ATF3: variants seen among roughly 807,000 people sequenced by gnomAD.
ATF3 encodes cyclic AMP-dependent transcription factor ATF-3.
Under a neutral mutation model 18.4 loss-of-function variants are expected in ATF3, and 10 were observed. The observed-to-expected ratio is 0.54, with a 90% CI of 0.34 to 0.92. The LOEUF is 0.92. ATF3 is among the 40% of genes least tolerant of loss of function. The pLI is 0.02. For missense variants in ATF3, 183 were observed against 222.3 expected, an observed-to-expected ratio of 0.82 and a Z score of 1.12; for synonymous variants, 78 against 87.9, an observed-to-expected ratio of 0.89 and a Z score of 0.63.
intron 1 of ATF3, among the ~76,000 whole-genome samples, chr1:212,573,747 T>C (rs1333222977): frequency 1.3e-5 from 2 of 151,968 alleles, no homozygotes; most frequent in African/African-American, 4.8e-5. Flanking sequence ...TTTTCTAAGT[T>C]CTTCAGCCGT....
intron 1 of ATF3, among the ~76,000 whole-genome samples, chr1:212,595,209 CTT>C (rs757258194): frequency 4.8e-4 from 73 of 152,202 alleles, no homozygotes; most frequent in Non-Finnish European, 8.5e-4. Flanking sequence ...CCCTAGGACT[CTT>C]TGGCTCGTTA....
chr1:212,602,341 C>CA (rs1553303337), intron 1 of ATF3, among the ~76,000 whole-genome samples: 2 of 151,808 alleles, frequency 1.3e-5, no homozygotes, highest in Non-Finnish European at 2.9e-5. Flanking sequence ...AGGTGGAGGG[C>CA]AAAAAAGGGG....
chr1:212,590,104 C>T (rs1664854018), intron 1 of ATF3, among the ~76,000 whole-genome samples: 1 of 152,092 alleles, frequency 6.6e-6, no homozygotes, highest in African/African-American at 2.4e-5. Context: ...ACATTGAACA[C>T]TGTTTGGTTG....
At chr1:212,568,669 A>G (rs1271647707) in intron 1 of ATF3, among the ~76,000 whole-genome samples, 1 of 152,192 alleles carries the variant, frequency 6.6e-6, no homozygotes, top group Non-Finnish European at 1.5e-5. Context: ...GATGCCAGAA[A>G]GCAAATTTAG....
chr1:212,613,610 C>A (rs1279594532), intron 1 of ATF3: 1 of 152,226 alleles, frequency 6.6e-6, no homozygotes, highest in Non-Finnish European at 1.5e-5. Context: ...GAAGGAGGCA[C>A]TCCTTAAATG....
Position 212,619,340 on chromosome 1 carries a change from C to T in ATF3, c.349-18C>T, listed in dbSNP as rs752098584. On this transcript the variant is annotated intron_variant, in intron 3 of 3. Transcript: ENST00000341491. The surrounding 1 kb of genome is among the most constrained non-coding windows in gnomAD (Gnocchi z 4.4). ...GCCCTTGGCTCCTTTCTTGATGCCT[C>T]TGTTGCTTGTCCCCCAGGAGTCGGA... 1.2e-6 allele frequency: 2 copies of T among 1,612,858 alleles called. No homozygotes were observed.
chr1:212,580,226 G>A (rs1167339105), intron 1 of ATF3, among the ~76,000 whole-genome samples: 1 of 152,126 alleles, frequency 6.6e-6, no homozygotes, highest in Non-Finnish European at 1.5e-5. Flanking sequence ...CTATACTGAT[G>A]GATACAATTA....
intron 1 of ATF3, among the ~76,000 whole-genome samples, chr1:212,568,768 C>G (rs903258623): frequency 1.4e-4 from 22 of 152,132 alleles, no homozygotes; most frequent in Non-Finnish European, 2.2e-4. Context: ...TTTCTAATGT[C>G]TAAACCTCCA....
chr1:212,579,527 A>C (rs1664641620), intron 1 of ATF3, among the ~76,000 whole-genome samples: 1 of 152,250 alleles, frequency 6.6e-6, no homozygotes, highest in African/African-American at 2.4e-5. Context: ...TTTGGAGTTT[A>C]ATCTGGAGCT....
Position 212,618,752 on chromosome 1 carries a change from G to A in ATF3, c.348+518G>A, listed in dbSNP as rs191166633. On this transcript the variant is annotated intron_variant, in intron 3 of 3. Transcript: ENST00000341491. This position sits in a 1 kb window ranked among gnomAD's most constrained non-coding sequence, Gnocchi z 4.4. ...GCTGAGCCCCTGGCTGCGTTCAGCC[G>A]GCCCGCCTGAGAGACACTAGGGGAA... The A allele has an allele frequency of 4.3e-5, 22 of 507,706 alleles. No homozygotes were observed. Among genetic ancestry groups the A allele is most frequent in the Admixed American group, 6.4e-5 (2 of 31,040 alleles). The allele number at this position is 507,706 out of a possible 1,614,324, so 31.5% of individuals were successfully genotyped here. A position where few individuals can be genotyped will look rare whatever the true frequency, so the allele number is the denominator to read the frequency against.
In ATF3 at chr1:212,620,358, C is replaced by T. The variant is rs1430730036; in HGVS notation, c.*803C>T. 6.6e-6 allele frequency: 1 copy of T among 152,668 alleles called. No homozygotes were observed. 9.5% of individuals were successfully genotyped at this position (152,668 alleles called of 1,614,324 possible). On this transcript the variant is annotated 3_prime_UTR_variant, in exon 4 of 4. Coordinates refer to ENST00000341491, the MANE Select transcript of ATF3 (RefSeq NM_001674.4). The stretch of plus-strand genomic sequence containing the variant: ...CAACTTCCAAAGGGTTAGGACTCTC[C>T]ACTCAATGTCTTAGGTCAGGAGTTG...
chr1:212,593,712 G>A (rs971855140), intron 1 of ATF3, among the ~76,000 whole-genome samples: 2 of 138,018 alleles, frequency 1.4e-5, no homozygotes, highest in Non-Finnish European at 3.0e-5. Flanking sequence ...ATGCACTCCA[G>A]CCTGGATGAT....
chr1:212,598,205 A>G (rs1422161697), intron 1 of ATF3, among the ~76,000 whole-genome samples: 1 of 152,216 alleles, frequency 6.6e-6, no homozygotes, highest in Non-Finnish European at 1.5e-5. Flanking sequence ...AAATACTTTT[A>G]ATATTTTATG....
intron 1 of ATF3, among the ~76,000 whole-genome samples, chr1:212,588,211 AGGGTGT>A (rs1664815456): frequency 6.6e-6 from 1 of 152,160 alleles, no homozygotes; most frequent in Non-Finnish European, 1.5e-5. Flanking sequence ...GACTCCCGGC[AGGGTGT>A]GGATTGGATG....
At chr1:212,578,562 G>A (rs1002235390) in intron 1 of ATF3, among the ~76,000 whole-genome samples, 12 of 152,008 alleles carry the variant, frequency 7.9e-5, no homozygotes, top group African/African-American at 2.9e-4. Flanking sequence ...AAATTTCAAT[G>A]TTTATACTAA....
chr1:212,591,007 A>G (rs1306764539), intron 1 of ATF3, among the ~76,000 whole-genome samples: 1 of 152,224 alleles, frequency 6.6e-6, no homozygotes, highest in Non-Finnish European at 1.5e-5. Flanking sequence ...AAAGAATACA[A>G]TTCATAGCAA....
In ATF3 at chr1:212,566,519, G is replaced by A. The variant is rs529675491; in HGVS notation, c.-5+1036G>A. ...CCCTGAGTTTGGACAGGGCAGGTGG[G>A]GTAAGGCAGGCTGAGGGGTGATGTT... is the stretch of plus-strand genomic sequence containing the variant. On this transcript the variant is annotated intron_variant, in intron 1 of 3. Coordinates refer to the ATF3 transcript ENST00000366981. Among the ~76,000 whole-genome samples, 3 of 152,284 alleles carry A rather than the reference G, an allele frequency of 2.0e-5. 1 individual carries two copies. Among genetic ancestry groups the A allele is most frequent in the Non-Finnish European group, 1.5e-5 (1 of 68,014 alleles).
Position 212,615,104 on chromosome 1 carries a change from CA to C in ATF3, c.84del (p.Leu29TrpfsTer9). The C allele has an allele frequency of 6.2e-7, 1 of 1,614,186 alleles. No homozygotes were observed. The highest frequency in any genetic ancestry group is 8.5e-7 in the Non-Finnish European group (1 of 1,180,036). ...AIVPCLSPPG[S>X]LVFEDFANLT... ...GTCCCCTGCCTGTCCCCTCCTGGGT[CA>C]CTGGTGTTTGAGGATTTTGCTAACC... On this transcript the variant is annotated frameshift_variant, in exon 2 of 4. Coordinates refer to ENST00000341491, the MANE Select transcript of ATF3 (RefSeq NM_001674.4). LOFTEE classifies it high-confidence loss of function.
At position 212,578,050 on chromosome 1, in the gene ATF3, T is replaced by C. The variant is rs545332614; in HGVS notation, c.-5+12567T>C. The stretch of plus-strand genomic sequence containing the variant: ...CCAATTTATATTCACACCAACAGTG[T>C]GAAAGGGTTTCCTTTTCTCCACATC... On this transcript the variant is annotated intron_variant, in intron 1 of 3. Coordinates refer to the ATF3 transcript ENST00000366981. Among the ~76,000 whole-genome samples the C allele has an allele frequency of 1.0e-3, 159 of 152,386 alleles. No individual in the cohort carries two copies. In the Middle Eastern group the frequency reaches 0.014, roughly 13 times the overall value.
Sources: gnomAD v4.1 joint callset for allele counts (sites outside exome capture counted in the v4.1 genomes callset) on GRCh38, gnomAD v4.1.1 for gene constraint, Gnocchi (gnomAD v3.1) non-coding constraint, MANE v1.5 for transcripts, NCBI Gene and HGNC (gene_info 2026-07-23, HGNC 2026-07-21) for gene names.